Variants in FAM222A observed in about 807,000 individuals in gnomAD.
The protein encoded by FAM222A is protein FAM222A.
A neutral mutation model predicts 25.8 loss-of-function variants in FAM222A; 7 were observed. The ratio of observed to expected loss-of-function variants is 0.27; its 90% CI spans 0.15 to 0.51. The LOEUF (loss-of-function observed/expected upper bound fraction) is 0.51. Ranked by LOEUF, FAM222A falls within the 20% of genes least tolerant of loss-of-function variation. FAM222A has a pLI of 0.97. For synonymous variants in FAM222A, 294 were observed against 298.8 expected, an observed-to-expected ratio of 0.98 and a Z score of 0.17; for missense variants, 573 against 640.5, an observed-to-expected ratio of 0.89 and a Z score of 1.14.
intron 2 of FAM222A, among the ~76,000 whole-genome samples, chr12:109,753,657 T>C (rs985429663): frequency 6.6e-6 from 1 of 152,058 alleles, no homozygotes; most frequent in Non-Finnish European, 1.5e-5. Context: ...TTGAAGGGCT[T>C]GTCGTCCAAG....
At chr12:109,766,299 G>A (rs796868386) in intron 2 of FAM222A, among the ~76,000 whole-genome samples, 3 of 152,372 alleles carry the variant, frequency 2.0e-5, no homozygotes, top group African/African-American at 7.2e-5. Context: ...TCAGGACCAG[G>A]GAGGGGCTAT....
chr12:109,716,623 T>G (rs1175750737), intron 1 of FAM222A, among the ~76,000 whole-genome samples: 1 of 152,200 alleles, frequency 6.6e-6, no homozygotes, highest in East Asian at 1.9e-4. Context: ...AAGGGCTGTT[T>G]GCGCTGCCTC....
chr12:109,769,592 A>C lies in FAM222A; in HGVS notation c.*304A>C. ...AGGCAGGGAGAGAGAAACCACTCAA[A>C]AACAGGAATGGTTCTTTCTGGGCCT... On this transcript the variant is annotated 3_prime_UTR_variant, in exon 3 of 3. Coordinates refer to ENST00000538780, the MANE Select transcript of FAM222A (RefSeq NM_032829.3). 4.8e-6 allele frequency: 2 copies of C among 417,106 alleles called. No homozygotes were observed. The allele number at this position is 417,106 out of a possible 1,614,324, so 25.8% of individuals were successfully genotyped here. A position where few individuals can be genotyped will look rare whatever the true frequency, so the allele number is the denominator to read the frequency against.
chr12:109,758,492 C>G (rs1263833187), intron 2 of FAM222A, among the ~76,000 whole-genome samples: 1 of 152,156 alleles, frequency 6.6e-6, no homozygotes, highest in Non-Finnish European at 1.5e-5. Context: ...TGGCTGACCT[C>G]AGGGGCCCTC....
At chr12:109,729,096 G>A (rs1286580286) in intron 1 of FAM222A, among the ~76,000 whole-genome samples, 1 of 152,128 alleles carries the variant, frequency 6.6e-6, no homozygotes, top group African/African-American at 2.4e-5. Context: ...AGGTACCCGG[G>A]GACCATGCAG....
chr12:109,744,139 G>C lies in FAM222A; in HGVS notation c.-8G>C, dbSNP rs1157994345. 6.2e-7 allele frequency: 1 copy of C among 1,612,358 alleles called. No individual in the cohort carries two copies. The highest frequency in any genetic ancestry group is 1.7e-5 in the Admixed American group (1 of 59,966). On this transcript the variant is annotated 5_prime_UTR_variant, in exon 2 of 3. Coordinates refer to ENST00000538780, the MANE Select transcript of FAM222A (RefSeq NM_032829.3). ...GAGCGCACCCCACTGGGGACCCCCA[G>C]CTCAGCCATGCTGGCCTGTCTGCAG...
chr12:109,729,447 AC>A (rs1307675216), intron 1 of FAM222A, among the ~76,000 whole-genome samples: 1 of 151,592 alleles, frequency 6.6e-6, no homozygotes, highest in East Asian at 1.9e-4. Context: ...CCCTCAAGAC[AC>A]CCCCAGCCAG....
chr12:109,759,527 T>C (rs1176361631), intron 2 of FAM222A, among the ~76,000 whole-genome samples: 1 of 152,230 alleles, frequency 6.6e-6, no homozygotes, highest in Non-Finnish European at 1.5e-5. Flanking sequence ...ATTGGCTTAA[T>C]ATACTCGTTA....
chr12:109,737,895 GGGGGA>G (rs1888129461), intron 1 of FAM222A, among the ~76,000 whole-genome samples: 1 of 152,170 alleles, frequency 6.6e-6, no homozygotes, highest in Non-Finnish European at 1.5e-5. Flanking sequence ...GAACAGAGAT[GGGGGA>G]GGGAGCGGCA....
At chr12:109,765,793 C>T (rs1889032536) in intron 2 of FAM222A, among the ~76,000 whole-genome samples, 1 of 152,198 alleles carries the variant, frequency 6.6e-6, no homozygotes, top group Non-Finnish European at 1.5e-5. Context: ...GATGCCAGTC[C>T]CACCTGTGCC....
At chr12:109,732,495 C>T (rs11612440) in intron 1 of FAM222A, among the ~76,000 whole-genome samples, 21,859 of 152,280 alleles carry the variant, frequency 0.14, 1,696 homozygotes, top group African/African-American at 0.18. Flanking sequence ...TGTGGGGGCG[C>T]GGAGCAGCCG....
At chr12:109,756,392 C>CTTTTTTTTTTTT (rs35171962) in intron 2 of FAM222A, among the ~76,000 whole-genome samples, 1 of 124,388 alleles carries the variant, frequency 8.0e-6, no homozygotes, top group Non-Finnish European at 1.7e-5. Flanking sequence ...AATATGAATG[C>CTTTTTTTTTTTT]TTTTTTTTTT....
rs566741742 is a variant in FAM222A, at chr12:109,746,047, A to G, written c.82+1819A>G. ...GTTGGTTTTTGTTTTTGATTCTGCC[A>G]TGGAGGAATTTTGTTTGGAAAGTGA... On this transcript the variant is annotated intron_variant, in intron 2 of 2. Transcript: ENST00000538780. Among the ~76,000 whole-genome samples, 14 of 152,236 alleles carry G rather than the reference A, an allele frequency of 9.2e-5. No homozygotes were observed. The South Asian group carries it at 2.5e-3, about 27-fold the overall frequency.
intron 1 of FAM222A, among the ~76,000 whole-genome samples, chr12:109,732,784 G>A (rs757837186): frequency 6.6e-6 from 1 of 152,262 alleles, no homozygotes; most frequent in Non-Finnish European, 1.5e-5. Flanking sequence ...TCATCACTTA[G>A]AGTAGAATTT....
chr12:109,745,471 A>C (rs1888373649), intron 2 of FAM222A, among the ~76,000 whole-genome samples: 1 of 152,214 alleles, frequency 6.6e-6, no homozygotes, highest in Admixed American at 6.5e-5. Context: ...TGGAAGTGGA[A>C]ATACCGGGTC....
intron 2 of FAM222A, 169 bp downstream of exon 2, chr12:109,744,397 T>G (rs1330690479): frequency 1.0e-6 from 1 of 985,308 alleles, no homozygotes; most frequent in Non-Finnish European, 1.2e-6. Context: ...ATCCCCAAAA[T>G]GACACCCACT....
rs1055071940 is a variant in FAM222A at position 109,733,533 on chromosome 12, A to T, written c.-46-10568A>T. On this transcript the variant is annotated intron_variant, in intron 1 of 2. Transcript: ENST00000538780. The stretch of plus-strand genomic sequence containing the variant: ...ATTCTCCTGCCTCAGCCTCCTGAGT[A>T]GCTGGGACTACAGGCACACGCCACC... Among the ~76,000 whole-genome samples the T allele has an allele frequency of 2.0e-5, 3 of 151,928 alleles. No homozygotes were observed. In the East Asian group the frequency reaches 5.8e-4, roughly 29 times the overall value.
chr12:109,724,809 C>G (rs1413717252), intron 1 of FAM222A, among the ~76,000 whole-genome samples: 1 of 152,076 alleles, frequency 6.6e-6, no homozygotes, highest in Non-Finnish European at 1.5e-5. Context: ...TCCCAAGTTT[C>G]TAATTGGAAC....
At chr12:109,753,314 C>T (rs1319820511) in intron 2 of FAM222A, among the ~76,000 whole-genome samples, 3 of 152,196 alleles carry the variant, frequency 2.0e-5, no homozygotes. Context: ...CCCCACACTG[C>T]TCTTCTGTGG....
Sources: allele counts gnomAD v4.1 joint callset (sites outside exome capture counted in the v4.1 genomes callset), GRCh38; gene constraint gnomAD v4.1.1; transcripts MANE v1.5; gene names NCBI Gene and HGNC (gene_info 2026-07-23, HGNC 2026-07-21).